The following PTPRK variants were observed in gnomAD, a reference collection of about 807,000 sequenced individuals.
PTPRK encodes the protein receptor-type tyrosine-protein phosphatase kappa.
In PTPRK, 75 loss-of-function variants were observed where a neutral mutation model predicts 178.0. That is an observed-to-expected ratio of 0.42 (90% confidence interval 0.35 to 0.51). The LOEUF is 0.51. PTPRK is among the 20% of genes least tolerant of loss of function. PTPRK has a pLI of 0.02. For synonymous variants in PTPRK, 637 were observed against 620.6 expected (o/e 1.03, Z -0.39); for missense variants, 1,441 against 1,797.8 (o/e 0.80, Z 3.59).
chr6:128,298,382 G>A (rs1824892128), intron 3 of PTPRK, among the ~76,000 whole-genome samples: 1 of 151,358 alleles, frequency 6.6e-6, no homozygotes, highest in Non-Finnish European at 1.5e-5. Flanking sequence ...CATTTTATGA[G>A]GCCAGCATCA....
intron 7 of PTPRK, among the ~76,000 whole-genome samples, chr6:128,143,932 T>C (rs891496726): frequency 6.6e-6 from 1 of 152,190 alleles, no homozygotes; most frequent in Non-Finnish European, 1.5e-5. Context: ...ACATTCAATT[T>C]TTGACTACAA....
chr6:128,458,628 T>C (rs1447894775), intron 1 of PTPRK, among the ~76,000 whole-genome samples: 1 of 152,210 alleles, frequency 6.6e-6, no homozygotes, highest in South Asian at 2.1e-4. Context: ...GGCAACTGTG[T>C]GGTGAACGGT....
chr6:128,030,751 CT>C lies in PTPRK; in HGVS notation c.2195-21484del, dbSNP rs1386935960. On this transcript the variant is annotated intron_variant, in intron 13 of 29. Transcript: ENST00000368226. Reference sequence around the variant, plus strand: ...ATAAAGCTTGTGCACATCAGGCTTGCTTTTTTTCCCCCAAGTCAGAAATCAA... The same window carrying C: ...ATAAAGCTTGTGCACATCAGGCTTGCTTTTTTCCCCCAAGTCAGAAATCAA... Among the ~76,000 whole-genome samples the C allele has an allele frequency of 3.3e-5, 5 of 152,092 alleles. No individual in the cohort carries two copies. The South Asian group carries it at 6.2e-4, about 19-fold the overall frequency.
chr6:128,217,015 G>A (rs1161901349), intron 6 of PTPRK, among the ~76,000 whole-genome samples: 2 of 152,072 alleles, frequency 1.3e-5, no homozygotes, highest in African/African-American at 4.8e-5. Flanking sequence ...AATTGTGAAC[G>A]CATATATGGT....
chr6:128,470,317 A>G (rs371621491), intron 1 of PTPRK, among the ~76,000 whole-genome samples: 6 of 151,676 alleles, frequency 4.0e-5, no homozygotes, highest in East Asian at 3.9e-4. Flanking sequence ...AGAGTTCTCA[A>G]GTGTTTTTGT....
At chr6:128,341,325 T>A (rs1388501974) in intron 2 of PTPRK, among the ~76,000 whole-genome samples, 1 of 152,184 alleles carries the variant, frequency 6.6e-6, no homozygotes, top group Non-Finnish European at 1.5e-5. Flanking sequence ...TCAAAAAGCC[T>A]CATGTAACTC....
chr6:128,219,324 A>G (rs1278659730), intron 5 of PTPRK, among the ~76,000 whole-genome samples: 2 of 152,160 alleles, frequency 1.3e-5, no homozygotes, highest in African/African-American at 4.8e-5. Context: ...CAATTTTTCT[A>G]TGGAACAATG....
chr6:128,311,004 T>A (rs867744515), intron 3 of PTPRK, among the ~76,000 whole-genome samples: 1 of 152,126 alleles, frequency 6.6e-6, no homozygotes, highest in Non-Finnish European at 1.5e-5. Context: ...TAAGGGAAAG[T>A]TCCCCCGGGA....
chr6:128,168,998 C>T (rs1156587243), intron 7 of PTPRK, among the ~76,000 whole-genome samples: 1 of 152,030 alleles, frequency 6.6e-6, no homozygotes, highest in Non-Finnish European at 1.5e-5. Context: ...ATACTGTGAC[C>T]TCACTTAAAT....
intron 7 of PTPRK, among the ~76,000 whole-genome samples, chr6:128,162,126 C>G (rs1454895324): frequency 2.0e-5 from 3 of 151,592 alleles, no homozygotes. Context: ...TACCATTATA[C>G]AACCTAATGA....
At chr6:128,128,131 G>A (rs983820472) in intron 7 of PTPRK, among the ~76,000 whole-genome samples, 2 of 152,044 alleles carry the variant, frequency 1.3e-5, no homozygotes, top group Non-Finnish European at 2.9e-5. Context: ...GGCTTATAAG[G>A]AAATTTTATA....
intron 18 of PTPRK, among the ~76,000 whole-genome samples, chr6:127,994,464 T>C (rs1025072902): frequency 6.6e-6 from 1 of 151,778 alleles, no homozygotes; most frequent in Admixed American, 6.6e-5. Flanking sequence ...CATTACTTCA[T>C]TGAATTCTCA....
intron 1 of PTPRK, among the ~76,000 whole-genome samples, chr6:128,477,630 T>C (rs1851533865): frequency 6.6e-6 from 1 of 152,122 alleles, no homozygotes; most frequent in African/African-American, 2.4e-5. Flanking sequence ...AACCACCAAG[T>C]TTCAACTAAT....
At chr6:128,305,466 A>G (rs1826236600) in intron 3 of PTPRK, among the ~76,000 whole-genome samples, 1 of 152,238 alleles carries the variant, frequency 6.6e-6, no homozygotes, top group African/African-American at 2.4e-5. Flanking sequence ...CAAGTCTACT[A>G]GAATCTAAAT....
chr6:128,364,559 GC>G, intron 2 of PTPRK, among the ~76,000 whole-genome samples: 1 of 151,980 alleles, frequency 6.6e-6, no homozygotes, highest in Admixed American at 6.6e-5. Flanking sequence ...GAAAGCAGAG[GC>G]CTTAATAAGG....
rs567214098 is a variant in PTPRK at position 128,000,987 on chromosome 6, A to G, written c.2495-2083T>C. Among the ~76,000 whole-genome samples the G allele has an allele frequency of 2.6e-5, 4 of 152,088 alleles. No individual in the cohort carries two copies. In the South Asian group the frequency reaches 8.3e-4, roughly 31 times the overall value. On this transcript the variant is annotated intron_variant, in intron 15 of 29. Transcript: ENST00000368226. ...CTTTTGTTTTGCATTAAGCTTTAAT[A>G]CAGTAGTACAATGAGCAGTAAGGTC...
chr6:128,515,157 C>T (rs1451432341), intron 1 of PTPRK, among the ~76,000 whole-genome samples: 6 of 152,122 alleles, frequency 3.9e-5, no homozygotes, highest in Non-Finnish European at 8.8e-5. Flanking sequence ...AAATATCAAG[C>T]AATGTGGTTC....
chr6:128,208,491 C>T (rs1807396135), intron 6 of PTPRK, among the ~76,000 whole-genome samples: 1 of 152,034 alleles, frequency 6.6e-6, no homozygotes, highest in Admixed American at 6.6e-5. Flanking sequence ...TAACCGACAA[C>T]CAAAATACAG....
chr6:128,422,894 G>A (rs1843664730), intron 1 of PTPRK, among the ~76,000 whole-genome samples: 1 of 152,096 alleles, frequency 6.6e-6, no homozygotes, highest in African/African-American at 2.4e-5. Context: ...AATAGGTTCA[G>A]CTATCTCTAG....
Sources: gnomAD v4.1 joint callset for allele counts (sites outside exome capture counted in the v4.1 genomes callset) on GRCh38, gnomAD v4.1.1 for gene constraint, MANE v1.5 for transcripts, NCBI Gene and HGNC (gene_info 2026-07-23, HGNC 2026-07-21) for gene names.